The following LRRTM4 variants were observed in gnomAD, a reference collection of about 807,000 sequenced individuals.
LRRTM4 encodes the protein leucine-rich repeat transmembrane neuronal protein 4.
LRRTM4 carries 25 observed loss-of-function variants against 47.6 expected under a neutral mutation model. The ratio of observed to expected loss-of-function variants is 0.53; its 90% CI spans 0.38 to 0.73. The LOEUF is 0.73. LRRTM4 is among the 30% of genes least tolerant of loss of function. The pLI is 0.00. For synonymous variants in LRRTM4, 311 were observed against 269.5 expected, an observed-to-expected ratio of 1.15 and a Z score of -1.51; for missense variants, 638 against 713.4, an observed-to-expected ratio of 0.89 and a Z score of 1.20.
intron 3 of LRRTM4, among the ~76,000 whole-genome samples, chr2:77,021,806 T>G (rs1166046725): frequency 1.3e-5 from 2 of 151,630 alleles, no homozygotes; most frequent in African/African-American, 4.8e-5. Context: ...GCCATAAATT[T>G]TTAATATGTA....
intron 3 of LRRTM4, among the ~76,000 whole-genome samples, chr2:77,280,233 C>A (rs1488389803): frequency 6.6e-6 from 1 of 151,930 alleles, no homozygotes; most frequent in Non-Finnish European, 1.5e-5. Flanking sequence ...TGTGGGCAGC[C>A]TCTAGAAGCC....
At chr2:77,003,790 AAC>A (rs144234835) in intron 3 of LRRTM4, among the ~76,000 whole-genome samples, 4,135 of 152,258 alleles carry the variant, frequency 0.027, 226 homozygotes, top group African/African-American at 0.094. Flanking sequence ...CAGAGGTTGC[AAC>A]AGATTGGAGG....
chr2:77,046,153 C>A (rs960966668), intron 3 of LRRTM4, among the ~76,000 whole-genome samples: 1 of 151,916 alleles, frequency 6.6e-6, no homozygotes, highest in Non-Finnish European at 1.5e-5. Flanking sequence ...GGTTTGATTG[C>A]AGTTCAACTA....
intron 3 of LRRTM4, among the ~76,000 whole-genome samples, chr2:77,134,526 A>C (rs1327179894): frequency 6.6e-6 from 1 of 152,200 alleles, no homozygotes; most frequent in Admixed American, 6.5e-5. Flanking sequence ...TAGTTTTTCT[A>C]TTAAGAAACA....
At chr2:76,952,740 T>C (rs948633903) in intron 3 of LRRTM4, among the ~76,000 whole-genome samples, 1 of 151,824 alleles carries the variant, frequency 6.6e-6, no homozygotes, top group Admixed American at 6.6e-5. Flanking sequence ...CAAATGCACT[T>C]GTATGTTCAC....
intron 3 of LRRTM4, among the ~76,000 whole-genome samples, chr2:76,916,384 CAAAAAAAA>C (rs57874749): frequency 3.7e-5 from 2 of 53,500 alleles, no homozygotes; most frequent in Admixed American, 2.4e-4. Flanking sequence ...GACTGTGTCT[CAAAAAAAA>C]AAAAAAAAAA....
chr2:77,356,125 C>T (rs1266185914), intron 3 of LRRTM4, among the ~76,000 whole-genome samples: 3 of 151,868 alleles, frequency 2.0e-5, no homozygotes, highest in African/African-American at 4.8e-5. Flanking sequence ...AAGTGGGCCT[C>T]GAATGCCAGG....
chr2:76,963,309 G>A (rs1206912337), intron 3 of LRRTM4, among the ~76,000 whole-genome samples: 3 of 150,728 alleles, frequency 2.0e-5, no homozygotes, highest in Middle Eastern at 3.4e-3. Flanking sequence ...TAAGTAAATG[G>A]CGATTCTACT....
At position 77,110,791 on chromosome 2, in the gene LRRTM4, C is replaced by T. The variant is rs565941677; in HGVS notation, c.1552-361875G>A. Among the ~76,000 whole-genome samples the T allele has an allele frequency of 1.9e-4, 29 of 152,226 alleles. No individual in the cohort carries two copies. The South Asian group carries it at 5.8e-3, about 30-fold the overall frequency. ...CAAAAACAGCTCACACTGTTATATA[C>T]AGTTTGAATATAATTTTGTTGAAAT... On this transcript the variant is annotated intron_variant, in intron 3 of 3. Coordinates refer to ENST00000409884, the MANE Select transcript of LRRTM4 (RefSeq NM_001134745.3).
chr2:77,351,328 C>T (rs767658065), intron 3 of LRRTM4, among the ~76,000 whole-genome samples: 37 of 150,762 alleles, frequency 2.5e-4, no homozygotes, highest in Non-Finnish European at 4.1e-4. Flanking sequence ...ACAAGGTATT[C>T]CCAACTTAAG....
At chr2:76,782,177 A>C (rs2104164649) in intron 3 of LRRTM4, among the ~76,000 whole-genome samples, 1 of 152,358 alleles carries the variant, frequency 6.6e-6, no homozygotes, top group South Asian at 2.1e-4. Context: ...GGTATTTTGC[A>C]ACACATGTAA....
At chr2:76,750,813 T>A (rs779866780) in intron 3 of LRRTM4, among the ~76,000 whole-genome samples, 1 of 152,202 alleles carries the variant, frequency 6.6e-6, no homozygotes, top group Non-Finnish European at 1.5e-5. Context: ...TCTATTCTTA[T>A]GAGAATTATG....
chr2:77,088,619 A>T (rs1250916403), intron 3 of LRRTM4, among the ~76,000 whole-genome samples: 1 of 152,132 alleles, frequency 6.6e-6, no homozygotes, highest in African/African-American at 2.4e-5. Context: ...TGAAATAAAC[A>T]GCCATGTTGC....
chr2:76,748,615 T>G lies in LRRTM4; in HGVS notation c.*80A>C. 7 of 1,135,864 alleles carry G rather than the reference T, an allele frequency of 6.2e-6. No individual in the cohort carries two copies. Among genetic ancestry groups the G allele is most frequent in the East Asian group, 2.4e-5 (1 of 42,216 alleles). 70.4% of individuals were successfully genotyped at this position (1,135,864 alleles called of 1,614,324 possible). The stretch of plus-strand genomic sequence containing the variant: ...ACGATGAGCTTGCTCGATTGCGCGA[T>G]TGTGGACACCCATTCTCCTTTAAGA... On this transcript the variant is annotated 3_prime_UTR_variant, in exon 4 of 4. Coordinates refer to ENST00000409884, the MANE Select transcript of LRRTM4 (RefSeq NM_001134745.3).
intron 3 of LRRTM4, among the ~76,000 whole-genome samples, chr2:77,488,135 G>A (rs1677999254): frequency 6.6e-6 from 1 of 152,146 alleles, no homozygotes; most frequent in African/African-American, 2.4e-5. Flanking sequence ...GGGGATCCCA[G>A]ACCTAGGAGC....
chr2:77,215,106 A>G (rs1157027682), intron 3 of LRRTM4, among the ~76,000 whole-genome samples: 1 of 152,166 alleles, frequency 6.6e-6, no homozygotes, highest in Non-Finnish European at 1.5e-5. Flanking sequence ...TTGATGATCA[A>G]TTAAGTACAA....
intron 3 of LRRTM4, among the ~76,000 whole-genome samples, chr2:77,298,448 A>C (rs974080310): frequency 1.3e-5 from 2 of 152,266 alleles, no homozygotes; most frequent in East Asian, 3.9e-4. Flanking sequence ...CGTGTTAGCC[A>C]GGATGGTCTC....
intron 3 of LRRTM4, among the ~76,000 whole-genome samples, chr2:77,149,931 C>T (rs1672370431): frequency 6.6e-6 from 1 of 152,104 alleles, no homozygotes; most frequent in Admixed American, 6.5e-5. Context: ...ACATTACTGA[C>T]TTAATAAAGA....
intron 3 of LRRTM4, among the ~76,000 whole-genome samples, chr2:77,294,648 C>T (rs1009608529): frequency 6.6e-6 from 1 of 152,112 alleles, no homozygotes; most frequent in Admixed American, 6.6e-5. Flanking sequence ...TAATAAGACT[C>T]AAGTGTGACC....
Sources: gnomAD v4.1 joint callset for allele counts (sites outside exome capture counted in the v4.1 genomes callset) on GRCh38, gnomAD v4.1.1 for gene constraint, MANE v1.5 for transcripts, NCBI Gene and HGNC (gene_info 2026-07-23, HGNC 2026-07-21) for gene names.